Variants in RCAN2 observed in about 807,000 individuals in gnomAD.
RCAN2 encodes the protein calcipressin-2.
In RCAN2, 9 loss-of-function variants were observed where a neutral mutation model predicts 23.6. That is an observed-to-expected ratio of 0.38 (90% CI 0.23 to 0.67). The LOEUF (loss-of-function observed/expected upper bound fraction) is 0.67. Ranked by LOEUF, RCAN2 falls within the 30% of genes least tolerant of loss-of-function variation. The pLI, the probability that RCAN2 is intolerant of heterozygous loss-of-function variation, is 0.51. For missense variants in RCAN2, 273 were observed against 302.3 expected, an observed-to-expected ratio of 0.90 and a Z score of 0.72; for synonymous variants, 109 against 115.7, an observed-to-expected ratio of 0.94 and a Z score of 0.37.
intron 2 of RCAN2, among the ~76,000 whole-genome samples, chr6:46,289,736 A>G (rs1316950371): frequency 6.6e-6 from 1 of 152,204 alleles, no homozygotes; most frequent in Non-Finnish European, 1.5e-5. Context: ...TATCTGTGAA[A>G]GGCATTGCTA....
intron 2 of RCAN2, among the ~76,000 whole-genome samples, chr6:46,453,136 T>G (rs569974730): frequency 4.4e-4 from 67 of 152,326 alleles, no homozygotes; most frequent in African/African-American, 1.3e-3. Context: ...AGATGACTTC[T>G]GCAGCCCAGC....
intron 4 of RCAN2, among the ~76,000 whole-genome samples, chr6:46,233,067 T>G (rs867599375): frequency 6.6e-6 from 1 of 152,128 alleles, no homozygotes; most frequent in Admixed American, 6.5e-5. Flanking sequence ...AATGGAGGGA[T>G]GGAAGCTGAG....
chr6:46,241,925 T>C (rs1367614783), intron 4 of RCAN2, among the ~76,000 whole-genome samples: 1 of 152,236 alleles, frequency 6.6e-6, no homozygotes, highest in Non-Finnish European at 1.5e-5. Flanking sequence ...TTTATTTATT[T>C]ATTTTCTAAT....
At chr6:46,280,508 C>A (rs1332012930) in intron 2 of RCAN2, among the ~76,000 whole-genome samples, 1 of 152,036 alleles carries the variant, frequency 6.6e-6, no homozygotes, top group Non-Finnish European at 1.5e-5. Flanking sequence ...AAAGCACACA[C>A]AGCAAGGCAA....
chr6:46,420,106 A>G (rs939212272), intron 2 of RCAN2, among the ~76,000 whole-genome samples: 10 of 152,080 alleles, frequency 6.6e-5, no homozygotes, highest in Admixed American at 2.0e-4. Flanking sequence ...CAGTTTTCCT[A>G]TGAAGTTAGG....
In RCAN2 at chr6:46,270,170, CAGG is replaced by C. The variant is rs145879194; in HGVS notation, c.226-21277_226-21275del. Among the ~76,000 whole-genome samples the C allele has an allele frequency of 7.0e-3, 1,062 of 152,114 alleles. 15 individuals carry two copies. The highest frequency in any genetic ancestry group is 0.025 in the African/African-American group (1,034 of 41,488). ...CTGACAGGCTTCAGGACACAGAAGC[CAGG>C]AGGAGTCAAGTGAGTATAGGGCCCC... On this transcript the variant is annotated intron_variant, in intron 2 of 4. Coordinates refer to ENST00000371374, the MANE Select transcript of RCAN2 (RefSeq NM_001251974.2).
chr6:46,333,209 C>A lies in RCAN2; in HGVS notation c.226-84313G>T, dbSNP rs576882985. Among the ~76,000 whole-genome samples, 306 of 151,946 alleles carry A rather than the reference C, an allele frequency of 2.0e-3. 2 individuals carry two copies. Among genetic ancestry groups the A allele is most frequent in the African/African-American group, 7.1e-3 (293 of 41,450 alleles). Reference sequence around the variant, plus strand: ...TTCATTGTAGATTCTGGATATTAGCCCTTTGTCAGATGAGTAACAAGTATA... The same window carrying A: ...TTCATTGTAGATTCTGGATATTAGCACTTTGTCAGATGAGTAACAAGTATA... On this transcript the variant is annotated intron_variant, in intron 2 of 4. Transcript: ENST00000371374.
At chr6:46,327,256 T>C (rs1763822247) in intron 2 of RCAN2, among the ~76,000 whole-genome samples, 1 of 152,048 alleles carries the variant, frequency 6.6e-6, no homozygotes, top group African/African-American at 2.4e-5. Flanking sequence ...CAATGAATGC[T>C]GAATGCTGGA....
intron 2 of RCAN2, among the ~76,000 whole-genome samples, chr6:46,431,940 A>T (rs1342882631): frequency 5.9e-5 from 9 of 152,232 alleles, no homozygotes; most frequent in Non-Finnish European, 1.2e-4. Context: ...TTATATGTCA[A>T]AAGCATGACA....
chr6:46,328,471 C>T (rs1763862855), intron 2 of RCAN2, among the ~76,000 whole-genome samples: 1 of 152,204 alleles, frequency 6.6e-6, no homozygotes, highest in African/African-American at 2.4e-5. Flanking sequence ...TAACTCTGAA[C>T]TAAAATTAGT....
chr6:46,459,358 A>T (rs1211006365), intron 1 of RCAN2, among the ~76,000 whole-genome samples: 2 of 152,228 alleles, frequency 1.3e-5, no homozygotes, highest in Non-Finnish European at 2.9e-5. Flanking sequence ...AGAATGTTTC[A>T]ATTATTATTT....
At chr6:46,408,903 A>T (rs1348116346) in intron 2 of RCAN2, among the ~76,000 whole-genome samples, 1 of 152,238 alleles carries the variant, frequency 6.6e-6, no homozygotes, top group African/African-American at 2.4e-5. Context: ...CAGAAAATGA[A>T]GTATGAGCTA....
rs1164834215 is a variant in RCAN2 at position 46,248,759 on chromosome 6, T to C, written c.363A>G (p.Gln121=). ...ARARIELHET[Q]FRGKKLKLYF... ...AGAGCTTTAATTTTTTCCCTCTGAA[T>C]TGGGTTTCATGAAGCTCTATCCTAG... The change falls in exon 3 of 5, where the codon CAA becomes CAG. Residue 121 remains glutamine, a synonymous_variant. Coordinates refer to ENST00000371374, the MANE Select transcript of RCAN2 (RefSeq NM_001251974.2). 1.2e-6 allele frequency: 2 copies of C among 1,612,354 alleles called. No homozygotes were observed. Among genetic ancestry groups the C allele is most frequent in the Non-Finnish European group, 1.7e-6 (2 of 1,179,432 alleles).
intron 2 of RCAN2, among the ~76,000 whole-genome samples, chr6:46,330,338 C>T (rs1469042526): frequency 6.6e-6 from 1 of 152,166 alleles, no homozygotes; most frequent in African/African-American, 2.4e-5. Context: ...CCAGGTGATT[C>T]TGATGCAAGC....
intron 2 of RCAN2, among the ~76,000 whole-genome samples, chr6:46,446,463 C>G (rs1158099855): frequency 6.6e-6 from 1 of 152,082 alleles, no homozygotes; most frequent in African/African-American, 2.4e-5. Context: ...TTTCTTCAAT[C>G]TAAATGAAAA....
intron 2 of RCAN2, among the ~76,000 whole-genome samples, chr6:46,271,312 A>G (rs1256313648): frequency 1.3e-5 from 2 of 152,184 alleles, no homozygotes; most frequent in Non-Finnish European, 1.5e-5. Flanking sequence ...ACGACAGTAT[A>G]ATGACAGACT....
intron 2 of RCAN2, among the ~76,000 whole-genome samples, chr6:46,356,066 T>C: frequency 6.6e-6 from 1 of 152,144 alleles, no homozygotes; most frequent in Non-Finnish European, 1.5e-5. Context: ...GACACAGACA[T>C]GAGCCCTCCT....
chr6:46,348,477 AG>A (rs1348265992), intron 2 of RCAN2, among the ~76,000 whole-genome samples: 1 of 152,060 alleles, frequency 6.6e-6, no homozygotes, highest in Non-Finnish European at 1.5e-5. Flanking sequence ...TGCTGACTCT[AG>A]GGCCCCACTC....
chr6:46,407,647 T>A (rs919752746), intron 2 of RCAN2, among the ~76,000 whole-genome samples: 6 of 152,188 alleles, frequency 3.9e-5, no homozygotes, highest in Admixed American at 3.9e-4. Flanking sequence ...GAGAAGGGAA[T>A]CCATTTCCAA....
Sources: allele counts gnomAD v4.1 joint callset (sites outside exome capture counted in the v4.1 genomes callset), GRCh38; gene constraint gnomAD v4.1.1; transcripts MANE v1.5; gene names NCBI Gene and HGNC (gene_info 2026-07-23, HGNC 2026-07-21).